GALNT13: variants seen among roughly 807,000 people sequenced by gnomAD.
GALNT13 encodes the protein UDP-GalNAc:polypeptide N-acetylgalactosaminyltransferase 13.
GALNT13 carries 28 observed loss-of-function variants against 64.2 expected under a neutral mutation model. The observed-to-expected ratio is 0.44, with a 90% CI of 0.32 to 0.60. The LOEUF (loss-of-function observed/expected upper bound fraction) is 0.60. GALNT13 is among the 20% of genes least tolerant of loss of function. GALNT13 has a pLI of 0.05. For synonymous variants in GALNT13, 214 were observed against 224.6 expected (o/e 0.95, Z 0.42); for missense variants, 577 against 669.8 (o/e 0.86, Z 1.53).
chr2:154,168,556 C>A (rs965232318), intron 4 of GALNT13, among the ~76,000 whole-genome samples: 1 of 151,458 alleles, frequency 6.6e-6, no homozygotes, highest in Non-Finnish European at 1.5e-5. Context: ...GAGATTTGGC[C>A]GGGTGTAGTG....
chr2:153,907,968 T>G (rs1201908399), intron 2 of GALNT13, among the ~76,000 whole-genome samples: 2 of 152,126 alleles, frequency 1.3e-5, no homozygotes, highest in Non-Finnish European at 2.9e-5. Context: ...TTTTTAACTC[T>G]TTGAGGAATC....
the GALNT13 span, among the ~76,000 whole-genome samples, chr2:153,422,289 A>G: frequency 6.6e-6 from 1 of 152,226 alleles, no homozygotes; most frequent in African/African-American, 2.4e-5. Context: ...CAGAAAAAGA[A>G]TAATGAAGTC....
chr2:153,591,138 C>T, the GALNT13 span, among the ~76,000 whole-genome samples: 1 of 152,004 alleles, frequency 6.6e-6, no homozygotes, highest in Admixed American at 6.6e-5. Context: ...TAAAAATTGA[C>T]ATATAGAAAT....
chr2:153,687,112 G>A, the GALNT13 span, among the ~76,000 whole-genome samples: 1 of 151,804 alleles, frequency 6.6e-6, no homozygotes, highest in Admixed American at 6.6e-5. Flanking sequence ...ATTTTTGTGT[G>A]TGTGTGTCTC....
chr2:153,753,934 C>A, the GALNT13 span, among the ~76,000 whole-genome samples: 1 of 152,234 alleles, frequency 6.6e-6, no homozygotes, highest in African/African-American at 2.4e-5. Context: ...CAAGATAGAG[C>A]ATTTCCCAGT....
the GALNT13 span, among the ~76,000 whole-genome samples, chr2:153,335,050 G>A: frequency 3.3e-5 from 5 of 152,100 alleles, no homozygotes; most frequent in African/African-American, 9.7e-5. Context: ...AGGGGTTTCC[G>A]CTTTTGCTTC....
the GALNT13 span, among the ~76,000 whole-genome samples, chr2:153,226,716 G>C: frequency 6.6e-6 from 1 of 152,180 alleles, no homozygotes; most frequent in Non-Finnish European, 1.5e-5. Context: ...AAAGAGGCAT[G>C]ATGACTAAAT....
At chr2:153,839,586 A>G in the GALNT13 span, among the ~76,000 whole-genome samples, 1 of 151,856 alleles carries the variant, frequency 6.6e-6, no homozygotes, top group Admixed American at 6.6e-5. Context: ...ATATTCCATA[A>G]GAAAAAAGTA....
chr2:154,367,980 A>C (rs2105303143), intron 9 of GALNT13, among the ~76,000 whole-genome samples: 1 of 152,304 alleles, frequency 6.6e-6, no homozygotes, highest in East Asian at 1.9e-4. Flanking sequence ...TAGTTGAATA[A>C]AAATATGTAG....
chr2:154,265,836 T>G (rs1690965630), intron 8 of GALNT13, among the ~76,000 whole-genome samples: 1 of 152,166 alleles, frequency 6.6e-6, no homozygotes, highest in African/African-American at 2.4e-5. Flanking sequence ...AAAATTAATA[T>G]TCCTGGTAAA....
chr2:153,568,131 T>G, the GALNT13 span, among the ~76,000 whole-genome samples: 1 of 152,252 alleles, frequency 6.6e-6, no homozygotes, highest in Non-Finnish European at 1.5e-5. Flanking sequence ...GATTTATTCT[T>G]ATAAAGGAAA....
At position 154,320,944 on chromosome 2, in the gene GALNT13, G is replaced by T. The variant is rs79023841; in HGVS notation, c.1156+19355G>T. Among the ~76,000 whole-genome samples the T allele has an allele frequency of 4.1e-3, 629 of 152,198 alleles. 10 individuals carry two copies. Among genetic ancestry groups the T allele is most frequent in the African/African-American group, 0.015 (610 of 41,542 alleles). On this transcript the variant is annotated intron_variant, in intron 9 of 12. Transcript: ENST00000392825. The stretch of plus-strand genomic sequence containing the variant: ...GTAACTTTTCCAATAAGAATTACTT[G>T]ATATTCAGATTTTTTATTTTCTCTG...
the GALNT13 span, among the ~76,000 whole-genome samples, chr2:153,349,219 A>G: frequency 6.7e-6 from 1 of 148,962 alleles, no homozygotes; most frequent in Admixed American, 6.6e-5. Context: ...AACAAAAAAC[A>G]AAAAAAACCC....
chr2:154,363,205 T>C (rs1394327942), intron 9 of GALNT13, among the ~76,000 whole-genome samples: 2 of 152,200 alleles, frequency 1.3e-5, no homozygotes, highest in Non-Finnish European at 2.9e-5. Flanking sequence ...AAGCCAGATG[T>C]ACGCCTGTCC....
chr2:154,206,629 T>C (rs1360041896), intron 4 of GALNT13, among the ~76,000 whole-genome samples: 1 of 151,852 alleles, frequency 6.6e-6, no homozygotes, highest in Non-Finnish European at 1.5e-5. Flanking sequence ...ACCCTGTCTC[T>C]ACTAAAAATA....
At chr2:153,324,354 G>A in the GALNT13 span, among the ~76,000 whole-genome samples, 6 of 152,172 alleles carry the variant, frequency 3.9e-5, no homozygotes, top group Admixed American at 3.9e-4. Flanking sequence ...TGTATCCTGA[G>A]ACTTTGCTGA....
chr2:153,340,740 T>G, the GALNT13 span, among the ~76,000 whole-genome samples: 3 of 152,158 alleles, frequency 2.0e-5, no homozygotes, highest in Non-Finnish European at 2.9e-5. Context: ...CCATTGAATA[T>G]GAACATTGAG....
At chr2:153,467,930 C>A in the GALNT13 span, among the ~76,000 whole-genome samples, 2 of 152,042 alleles carry the variant, frequency 1.3e-5, no homozygotes, top group Non-Finnish European at 2.9e-5. Context: ...ACAAACTTTT[C>A]ATTTATTAAT....
chr2:153,702,454 C>T, the GALNT13 span, among the ~76,000 whole-genome samples: 4 of 151,816 alleles, frequency 2.6e-5, no homozygotes, highest in Admixed American at 2.6e-4. Context: ...CACATGTATC[C>T]CAGAAATTAA....
Sources: gnomAD v4.1 joint callset for allele counts (sites outside exome capture counted in the v4.1 genomes callset) on GRCh38, gnomAD v4.1.1 for gene constraint, MANE v1.5 for transcripts, NCBI Gene and HGNC (gene_info 2026-07-23, HGNC 2026-07-21) for gene names.